The following NXN variants were observed in gnomAD, a reference collection of about 807,000 sequenced individuals.
NXN encodes the protein nucleoredoxin 1.
Under a neutral mutation model 48.6 loss-of-function variants are expected in NXN, and 16 were observed. The ratio of observed to expected loss-of-function variants is 0.33; its 90% CI spans 0.22 to 0.50. The LOEUF (loss-of-function observed/expected upper bound fraction) is 0.50. Ranked by LOEUF, NXN falls within the 20% of genes least tolerant of loss-of-function variation. NXN has a pLI of 0.98. For synonymous variants in NXN, 281 were observed against 269.6 expected (o/e 1.04, Z -0.41); for missense variants, 492 against 605.5 (o/e 0.81, Z 1.97).
At chr17:909,057 C>G (rs2144916542) in intron 1 of NXN, among the ~76,000 whole-genome samples, 1 of 145,490 alleles carries the variant, frequency 6.9e-6, no homozygotes, top group South Asian at 2.2e-4. Flanking sequence ...CGAGATCACA[C>G]CACTGCACTC....
At chr17:857,266 C>T (rs1232507696) in intron 1 of NXN, among the ~76,000 whole-genome samples, 1 of 148,942 alleles carries the variant, frequency 6.7e-6, no homozygotes, top group African/African-American at 2.5e-5. Flanking sequence ...TTTTTTCTTT[C>T]TTTTTTTTTT....
chr17:865,940 G>T (rs545674318), intron 1 of NXN, among the ~76,000 whole-genome samples: 1 of 151,892 alleles, frequency 6.6e-6, no homozygotes, highest in South Asian at 2.1e-4. Context: ...CTAAGATCGC[G>T]GCATTGCACT....
intron 5 of NXN, among the ~76,000 whole-genome samples, chr17:807,272 A>T (rs57098061): frequency 0.23 from 34,666 of 152,110 alleles, 4,640 homozygotes; most frequent in African/African-American, 0.37. Flanking sequence ...TCCTCAGAGT[A>T]GGGTGTTTCT....
intron 1 of NXN, among the ~76,000 whole-genome samples, chr17:966,006 C>T (rs535416005): frequency 1.9e-4 from 29 of 151,818 alleles, no homozygotes; most frequent in Non-Finnish European, 3.7e-4. Context: ...GTCCCAGCTA[C>T]TCGAGAGGCT....
intron 1 of NXN, among the ~76,000 whole-genome samples, chr17:896,318 C>A (rs1022786096): frequency 1.5e-5 from 2 of 135,728 alleles, no homozygotes; most frequent in Admixed American, 7.5e-5. Context: ...CCAGCCTGGG[C>A]AACAAAAGCA....
intron 1 of NXN, among the ~76,000 whole-genome samples, chr17:837,669 G>A (rs1380721190): frequency 1.3e-5 from 2 of 152,192 alleles, no homozygotes; most frequent in Non-Finnish European, 2.9e-5. Flanking sequence ...TGGGATCAGA[G>A]CTTCTCTCGC....
intron 1 of NXN, chr17:896,751 A>C (rs1336804780): frequency 3.0e-6 from 2 of 668,842 alleles, no homozygotes; most frequent in Admixed American, 6.1e-5. Context: ...TGTTTCTGGT[A>C]ATAGAACCTT....
At position 906,575 on chromosome 17, in the gene NXN, T is replaced by G. The variant is rs556938456; in HGVS notation, c.360+72744A>C. On this transcript the variant is annotated intron_variant, in intron 1 of 7. Coordinates refer to ENST00000336868, the MANE Select transcript of NXN (RefSeq NM_022463.5). ...TTGGGGTTTTTTTGGTTTCTGGGTT[T>G]TTTTTTTTTTTGAGACAGTCTCACT... Among the ~76,000 whole-genome samples the G allele has an allele frequency of 4.9e-4, 13 of 26,440 alleles. 1 individual carries two copies. Among genetic ancestry groups the G allele is most frequent in the African/African-American group, 9.2e-4 (10 of 10,912 alleles). 17.3% of individuals were successfully genotyped at this position (26,440 alleles called of 152,430 possible). A position where few individuals can be genotyped will look rare whatever the true frequency, so the allele number is the denominator to read the frequency against.
chr17:865,909 G>A (rs1245671538), intron 1 of NXN, among the ~76,000 whole-genome samples: 1 of 152,040 alleles, frequency 6.6e-6, no homozygotes, highest in East Asian at 1.9e-4. Context: ...CTTGAACCCG[G>A]GAGGTGGAGG....
At chr17:814,700 C>T (rs1205249315) in intron 5 of NXN, among the ~76,000 whole-genome samples, 4 of 152,182 alleles carry the variant, frequency 2.6e-5, no homozygotes, top group South Asian at 2.1e-4. Context: ...GAGCTCAGTA[C>T]GGAGAGTATG....
intron 1 of NXN, among the ~76,000 whole-genome samples, chr17:828,653 C>T (rs57228809): frequency 0.019 from 2,950 of 152,212 alleles, 114 homozygotes; most frequent in African/African-American, 0.067. Flanking sequence ...CCACCCGCCT[C>T]GGCCTCCCAC....
intron 1 of NXN, among the ~76,000 whole-genome samples, chr17:839,921 A>AC (rs1232291097): frequency 6.6e-6 from 1 of 151,810 alleles, no homozygotes; most frequent in Non-Finnish European, 1.5e-5. Context: ...ACATGGTGAA[A>AC]CCCCGTCTCT....
chr17:835,036 C>A (rs192776824), intron 1 of NXN, among the ~76,000 whole-genome samples: 8 of 150,798 alleles, frequency 5.3e-5, no homozygotes, highest in Admixed American at 1.3e-4. Context: ...AGGCCTGGCG[C>A]GGTGGCTCAC....
intron 1 of NXN, among the ~76,000 whole-genome samples, chr17:916,444 A>G (rs8182239): frequency 0.68 from 103,002 of 152,034 alleles, 37,217 homozygotes; most frequent in East Asian, 0.87. Context: ...CAAAGTTACC[A>G]AACTAAAAAA....
chr17:925,378 C>T (rs2068788691), intron 1 of NXN, among the ~76,000 whole-genome samples: 2 of 152,138 alleles, frequency 1.3e-5, no homozygotes, highest in African/African-American at 4.8e-5. Flanking sequence ...GCTGGAGAGG[C>T]TTCTGGCTTT....
intron 1 of NXN, chr17:878,085 T>C (rs754517890): frequency 6.6e-6 from 1 of 152,148 alleles, no homozygotes; most frequent in South Asian, 2.1e-4. Context: ...CTAAGTAGAA[T>C]GCAGGCAATG....
intron 1 of NXN, among the ~76,000 whole-genome samples, chr17:970,088 C>G (rs2069355785): frequency 6.6e-6 from 1 of 152,176 alleles, no homozygotes; most frequent in African/African-American, 2.4e-5. Context: ...CACTGTGTAT[C>G]TGGTCCAAGA....
At chr17:927,225 G>A (rs952817438) in intron 1 of NXN, among the ~76,000 whole-genome samples, 3 of 151,660 alleles carry the variant, frequency 2.0e-5, no homozygotes, top group Non-Finnish European at 4.4e-5. Context: ...AGGTTGCAGT[G>A]AGCCGAGATT....
chr17:926,611 T>C (rs1037265728), intron 1 of NXN, among the ~76,000 whole-genome samples: 1 of 151,062 alleles, frequency 6.6e-6, no homozygotes, highest in South Asian at 2.1e-4. Context: ...AGTGGTGCAA[T>C]CTCGGCTCAC....
Sources: allele counts gnomAD v4.1 joint callset (sites outside exome capture counted in the v4.1 genomes callset), GRCh38; gene constraint gnomAD v4.1.1; transcripts MANE v1.5; gene names NCBI Gene and HGNC (gene_info 2026-07-23, HGNC 2026-07-21).